XPNPEP2: variants seen among roughly 807,000 people sequenced by gnomAD.
The protein encoded by XPNPEP2 is xaa-Pro aminopeptidase 2.
In XPNPEP2, 64 loss-of-function variants were observed where a neutral mutation model predicts 59.8. That is an observed-to-expected ratio of 1.07 (90% CI 0.87 to 1.32). The LOEUF is 1.32. XPNPEP2 is among the 40% of genes most tolerant of loss of function. XPNPEP2 has a pLI of 0.00. For synonymous variants in XPNPEP2, 235 were observed against 210.0 expected, an observed-to-expected ratio of 1.12 and a Z score of -1.03; for missense variants, 575 against 546.8, an observed-to-expected ratio of 1.05 and a Z score of -0.51.
In XPNPEP2 at chrX:129,752,303, G is replaced by A. The variant is rs1926436067; in HGVS notation, c.975G>A (p.Gly325=). ...YSLGDVRIWI[G]TSYTMYGIYE... is the part of the protein sequence containing the mutation. The stretch of plus-strand genomic sequence containing the variant: ...TGGGAGATGTGAGGATCTGGATTGG[G>A]ACCAGCTATACCATGTATGGGATCT... The change falls in exon 10 of 21, where the codon GGG becomes GGA. Residue 325 remains glycine, a synonymous_variant. Coordinates refer to ENST00000371106, the MANE Select transcript of XPNPEP2 (RefSeq NM_003399.6). 2.5e-6 allele frequency: 3 copies of A among 1,211,974 alleles called. No individual in the cohort carries two copies. The highest frequency in any genetic ancestry group is 1.1e-6 in the Non-Finnish European group (1 of 895,566).
intron 6 of XPNPEP2, chrX:129,746,929 C>G: frequency 2.6e-6 from 1 of 389,948 alleles, no homozygotes; most frequent in East Asian, 4.6e-5. Context: ...ACCTAGAAGA[C>G]TCAGTGAATC....
intron 6 of XPNPEP2, among the ~76,000 whole-genome samples, 198 bp from the exon 7 acceptor site, chrX:129,747,409 G>A (rs776335975): frequency 9.0e-6 from 1 of 111,590 alleles, no homozygotes. Flanking sequence ...GGCTTGGAAA[G>A]CAGAAAGAGG....
chrX:129,753,215 C>T lies in XPNPEP2; in HGVS notation c.1074C>T (p.Asn358=). ...SPVMMTKAVK[N]SKEQALLKAS... ...TGATGATGACCAAGGCAGTGAAGAA[C>T]AGCAAGGAGCAGGCCCTCCTCAAGG... The change falls in exon 11 of 21, where the codon AAC becomes AAT. Residue 358 remains asparagine (N), a synonymous_variant. Transcript: ENST00000371106. 8.3e-7 allele frequency: 1 copy of T among 1,211,598 alleles called. No individual in the cohort carries two copies. The highest frequency in any genetic ancestry group is 1.7e-5 in the African/African-American group (1 of 57,734).
intron 15 of XPNPEP2, among the ~76,000 whole-genome samples, chrX:129,759,922 C>G (rs759890251): frequency 4.5e-5 from 5 of 112,263 alleles, no homozygotes; most frequent in Non-Finnish European, 7.5e-5. Context: ...CAGGCCACCT[C>G]CCTCCGCTGA....
chrX:129,741,926 G>T (rs1009254569), intron 1 of XPNPEP2, among the ~76,000 whole-genome samples, 182 bp from the exon 2 acceptor site: 1 of 112,163 alleles, frequency 8.9e-6, no homozygotes, highest in Admixed American at 9.3e-5. Flanking sequence ...GTGACCCAGG[G>T]TGCTATCCAG....
chrX:129,759,110 G>A (rs1926609114), intron 14 of XPNPEP2, 70 bp from the exon 15 acceptor site: 1 of 1,168,704 alleles, frequency 8.6e-7, no homozygotes, highest in Non-Finnish European at 1.2e-6. Flanking sequence ...CTTGTGGAAA[G>A]CACACAGAAA....
In XPNPEP2 at chrX:129,768,632, T is replaced by C. The variant is rs2124056753; in HGVS notation, c.*147T>C. On this transcript the variant is annotated 3_prime_UTR_variant, in exon 21 of 21. Coordinates refer to ENST00000371106, the MANE Select transcript of XPNPEP2 (RefSeq NM_003399.6). ...ATTCATCCTCCTTCTCCAAGACCTATGGAGAAGGTCCCAGGCCCCAGGAAC... is the reference window on the plus strand; with the variant it reads ...ATTCATCCTCCTTCTCCAAGACCTACGGAGAAGGTCCCAGGCCCCAGGAAC... 1 of 494,666 alleles carries C rather than the reference T, an allele frequency of 2.0e-6. No homozygotes were observed. Among genetic ancestry groups the C allele is most frequent in the East Asian group, 4.3e-5 (1 of 23,039 alleles). 40.8% of individuals were successfully genotyped at this position (494,666 alleles called of 1,213,427 possible).
At chrX:129,751,888 C>T (rs1926426378) in intron 9 of XPNPEP2, 62 bp downstream of exon 9, 4 of 1,081,628 alleles carry the variant, frequency 3.7e-6, no homozygotes, top group Non-Finnish European at 5.1e-6. Context: ...CTTGATGCCC[C>T]ACCACTGATC....
intron 17 of XPNPEP2, 62 bp downstream of exon 17, chrX:129,761,338 G>T: frequency 2.0e-6 from 2 of 993,651 alleles, no homozygotes; most frequent in South Asian, 2.1e-5. Context: ...TATGAAGGTA[G>T]AGAATTTCAC....
rs1451769986 is a variant in XPNPEP2, at chrX:129,756,489, C to T, written c.1301C>T (p.Thr434Ile). The T allele has an allele frequency of 1.7e-6, 2 of 1,209,441 alleles. No individual in the cohort carries two copies. The highest frequency in any genetic ancestry group is 1.1e-6 in the Non-Finnish European group (1 of 894,856). ...LNAALAHYSPTKELNRKLSSD... is the reference protein window; with the variant it reads ...LNAALAHYSPIKELNRKLSSD... Reference sequence around the variant, plus strand: ...ACATTCTCTCCCCTTCTCAGCCCGACCAAGGAGCTGAACCGCAAGCTGTCC... The same window carrying T: ...ACATTCTCTCCCCTTCTCAGCCCGATCAAGGAGCTGAACCGCAAGCTGTCC... Residue 434 changes from threonine (T) to isoleucine (I), a missense_variant, in exon 14 of 21, where the codon ACC becomes ATC. Thr to Ile is a moderately conservative substitution (Grantham distance 89, BLOSUM62 -1). Coordinates refer to ENST00000371106, the MANE Select transcript of XPNPEP2 (RefSeq NM_003399.6).
intron 8 of XPNPEP2, among the ~76,000 whole-genome samples, 181 bp from the exon 9 acceptor site, chrX:129,751,562 GAA>G (rs1480015628): frequency 1.0e-3 from 61 of 60,936 alleles, no homozygotes; most frequent in African/African-American, 4.1e-3. Flanking sequence ...AAGAAAGAAA[GAA>G]AGAAAGAAAG....
At chrX:129,745,765 T>C (rs961863075) in intron 4 of XPNPEP2, among the ~76,000 whole-genome samples, 1 of 111,646 alleles carries the variant, frequency 9.0e-6, no homozygotes, top group Non-Finnish European at 1.9e-5. Flanking sequence ...TTGAATGAAA[T>C]CCAAGCTTCC....
At chrX:129,747,465 G>C in intron 6 of XPNPEP2, 142 bp from the exon 7 acceptor site, 1 of 798,982 alleles carries the variant, frequency 1.3e-6, no homozygotes, top group Non-Finnish European at 1.8e-6. Context: ...GGGGTGGGGG[G>C]TGGGCAGGCT....
rs774329039 is a variant in XPNPEP2, at chrX:129,759,176, A to G, written c.1368-4A>G. 8.3e-7 allele frequency: 1 copy of G among 1,211,421 alleles called. No individual in the cohort carries two copies. Among genetic ancestry groups the G allele is most frequent in the East Asian group, 3.0e-5 (1 of 33,823 alleles). On this transcript the variant is annotated splice_region_variant and splice_polypyrimidine_tract_variant and intron_variant, in intron 14 of 20. Coordinates refer to ENST00000371106, the MANE Select transcript of XPNPEP2 (RefSeq NM_003399.6). Reference sequence around the variant, plus strand: ...TTTGGCATGTTGGTTTTCCTTCTCCATAGGGACGGGACCACAGACATCACC... The same window carrying G: ...TTTGGCATGTTGGTTTTCCTTCTCCGTAGGGACGGGACCACAGACATCACC...
rs776648536 is a variant in XPNPEP2, at chrX:129,739,278, C to T, written c.49+16C>T. On this transcript the variant is annotated intron_variant, in intron 1 of 20. Coordinates refer to ENST00000371106, the MANE Select transcript of XPNPEP2 (RefSeq NM_003399.6). ...CTCCTCTGTGGTATGTGCATCCTAG[C>T]TTCCACTGGAAGGCAGCTCTGACCT... 1.7e-6 allele frequency: 2 copies of T among 1,204,781 alleles called. No homozygotes were observed. Among genetic ancestry groups the T allele is most frequent in the East Asian group, 3.0e-5 (1 of 33,717 alleles).
chrX:129,743,844 C>A (rs1439939980), intron 2 of XPNPEP2, 117 bp from the exon 3 acceptor site: 1 of 632,460 alleles, frequency 1.6e-6, no homozygotes, highest in Non-Finnish European at 2.5e-6. Context: ...TTCCCCCAAC[C>A]GCTGCTTCAG....
chrX:129,768,497 T>C lies in XPNPEP2; in HGVS notation c.*12T>C. The C allele has an allele frequency of 2.6e-6, 3 of 1,146,228 alleles. No individual in the cohort carries two copies. In the East Asian group the frequency reaches 9.3e-5, roughly 35 times the overall value. The allele number at this position is 1,146,228 out of a possible 1,213,427, so 94.5% of individuals were successfully genotyped here. A position where few individuals can be genotyped will look rare whatever the true frequency, so the allele number is the denominator to read the frequency against. ...GCTGGAGTGTCTAGAGGCTCCAGAC[T>C]CTCCTGTTAACCCTCCATCTAGATG... On this transcript the variant is annotated 3_prime_UTR_variant, in exon 21 of 21. Transcript: ENST00000371106.
At chrX:129,740,971 G>A (rs377124871) in intron 1 of XPNPEP2, among the ~76,000 whole-genome samples, 289 of 107,636 alleles carry the variant, frequency 2.7e-3, no homozygotes, top group Middle Eastern at 0.019. Context: ...GGGCGGGGGA[G>A]TGTAATGTCT....
chrX:129,762,175 C>A (rs1926669134), intron 18 of XPNPEP2, 110 bp downstream of exon 18: 1 of 814,613 alleles, frequency 1.2e-6, no homozygotes, highest in Non-Finnish European at 1.8e-6. Flanking sequence ...GGCACTAGTA[C>A]AGCTCGGGAC....
Sources: gnomAD v4.1 joint callset for allele counts (sites outside exome capture counted in the v4.1 genomes callset) on GRCh38, gnomAD v4.1.1 for gene constraint, MANE v1.5 for transcripts, NCBI Gene and HGNC (gene_info 2026-07-23, HGNC 2026-07-21) for gene names.